The following PARD3B variants were observed in gnomAD, a reference collection of about 807,000 sequenced individuals.
PARD3B encodes the protein partitioning defective 3 homolog B.
Under a neutral mutation model 130.2 loss-of-function variants are expected in PARD3B, and 103 were observed. The ratio of observed to expected loss-of-function variants is 0.79; its 90% CI spans 0.67 to 0.93. The LOEUF (loss-of-function observed/expected upper bound fraction) is 0.93, where lower values mean the gene tolerates loss of function less well. PARD3B is among the 40% of genes least tolerant of loss of function. PARD3B has a pLI of 0.00. For synonymous variants in PARD3B, 583 were observed against 553.2 expected, an observed-to-expected ratio of 1.05 and a Z score of -0.76; for missense variants, 1,609 against 1,499.2, an observed-to-expected ratio of 1.07 and a Z score of -1.21.
At chr2:204,632,683 G>T (rs557454591) in intron 1 of PARD3B, among the ~76,000 whole-genome samples, 4 of 152,108 alleles carry the variant, frequency 2.6e-5, no homozygotes, top group African/African-American at 9.7e-5. Flanking sequence ...CTGTTCCTAC[G>T]GTTGCAGAGA....
At chr2:204,805,420 A>C (rs923098491) in intron 2 of PARD3B, among the ~76,000 whole-genome samples, 1 of 152,126 alleles carries the variant, frequency 6.6e-6, no homozygotes, top group Admixed American at 6.6e-5. Context: ...AGCCCTAATA[A>C]AACAAAATCT....
At chr2:205,210,942 C>T (rs2037597570) in intron 15 of PARD3B, among the ~76,000 whole-genome samples, 1 of 152,026 alleles carries the variant, frequency 6.6e-6, no homozygotes, top group South Asian at 2.1e-4. Context: ...AGCCCTTGCT[C>T]ACAGGGGAAA....
intron 10 of PARD3B, among the ~76,000 whole-genome samples, chr2:205,151,836 A>T (rs755026085): frequency 1.3e-5 from 2 of 152,298 alleles, no homozygotes; most frequent in Non-Finnish European, 2.9e-5. Flanking sequence ...CCATTAGTTG[A>T]TGCAGTTTCT....
chr2:205,167,893 G>A (rs113256227), intron 11 of PARD3B, among the ~76,000 whole-genome samples: 1,812 of 152,256 alleles, frequency 0.012, 25 homozygotes, highest in East Asian at 0.031. Context: ...GCAAATATAT[G>A]CAAAAGACAT....
At position 205,591,332 on chromosome 2, in the gene PARD3B, A is replaced by T. The variant is rs1575438019; in HGVS notation, c.3261-24124A>T. Reference sequence around the variant, plus strand: ...GGAGGAAGCAGATTTTTGGAGGAGAAATAAGCCTCTAAACATATTTGAATA... The same window carrying T: ...GGAGGAAGCAGATTTTTGGAGGAGATATAAGCCTCTAAACATATTTGAATA... On this transcript the variant is annotated intron_variant, in intron 22 of 22. Coordinates refer to ENST00000406610, the MANE Select transcript of PARD3B (RefSeq NM_001302769.2). This position sits in a 1 kb window ranked among gnomAD's most constrained non-coding sequence, Gnocchi z 4.2. Among the ~76,000 whole-genome samples the T allele has an allele frequency of 6.6e-6, 1 of 152,230 alleles. No individual in the cohort carries two copies. The highest frequency in any genetic ancestry group is 1.5e-5 in the Non-Finnish European group (1 of 68,038).
At chr2:205,581,434 T>A (rs1465946590) in intron 22 of PARD3B, among the ~76,000 whole-genome samples, 1 of 145,700 alleles carries the variant, frequency 6.9e-6, no homozygotes, top group Non-Finnish European at 1.5e-5. Context: ...TAAATATATA[T>A]AAATATATAT....
intron 1 of PARD3B, among the ~76,000 whole-genome samples, chr2:204,642,554 C>A (rs2035114338): frequency 6.6e-6 from 1 of 152,138 alleles, no homozygotes; most frequent in Non-Finnish European, 1.5e-5. Flanking sequence ...TGGCATAGGA[C>A]ATCCATATGA....
chr2:204,546,867 C>T (rs1296614873), intron 1 of PARD3B, among the ~76,000 whole-genome samples: 1 of 152,080 alleles, frequency 6.6e-6, no homozygotes, highest in Non-Finnish European at 1.5e-5. Context: ...TTTAAGTGTG[C>T]AATACATGTT....
intron 19 of PARD3B, among the ~76,000 whole-genome samples, chr2:205,429,492 C>T (rs897422915): frequency 4.6e-5 from 7 of 152,184 alleles, no homozygotes; most frequent in African/African-American, 1.7e-4. Context: ...CAAACATCAT[C>T]AGTGAAAGAA....
At chr2:204,975,261 G>C (rs1411786580) in intron 3 of PARD3B, among the ~76,000 whole-genome samples, 18 of 152,068 alleles carry the variant, frequency 1.2e-4, no homozygotes, top group Admixed American at 1.2e-3. Flanking sequence ...TTTAGTCTTT[G>C]ATTCGACAGT....
At chr2:204,597,204 C>T (rs1395399389) in intron 1 of PARD3B, among the ~76,000 whole-genome samples, 1 of 151,578 alleles carries the variant, frequency 6.6e-6, no homozygotes, top group African/African-American at 2.4e-5. Flanking sequence ...AATGCTTCCA[C>T]AAGTCATTTC....
chr2:205,461,359 G>A lies in PARD3B; in HGVS notation c.3044+20687G>A, dbSNP rs1281159372. 6.6e-6 allele frequency among the ~76,000 whole-genome samples: 1 copy of A among 152,178 alleles called. No homozygotes were observed. The highest frequency in any genetic ancestry group is 1.5e-5 in the Non-Finnish European group (1 of 68,024). Reference sequence around the variant, plus strand: ...GTCCTCTTACCAACACCAAGCAAGAGGATAAAGAGCAGAGGCTTAGTAAAT... The same window carrying A: ...GTCCTCTTACCAACACCAAGCAAGAAGATAAAGAGCAGAGGCTTAGTAAAT... On this transcript the variant is annotated intron_variant, in intron 20 of 22. Coordinates refer to ENST00000406610, the MANE Select transcript of PARD3B (RefSeq NM_001302769.2). This position sits in a 1 kb window ranked among gnomAD's most constrained non-coding sequence, Gnocchi z 4.3.
At chr2:204,654,464 G>A (rs1320249275) in intron 1 of PARD3B, among the ~76,000 whole-genome samples, 2 of 145,228 alleles carry the variant, frequency 1.4e-5, no homozygotes, top group Non-Finnish European at 2.9e-5. Context: ...GAAGAACTCT[G>A]CTGGGGAAGT....
intron 1 of PARD3B, among the ~76,000 whole-genome samples, chr2:204,634,168 A>T (rs142540722): frequency 1.3e-5 from 2 of 151,976 alleles, no homozygotes; most frequent in Non-Finnish European, 2.9e-5. Flanking sequence ...TCTAGTAACC[A>T]TCCTTCTATT....
chr2:205,132,008 C>T (rs1204942855), intron 10 of PARD3B, among the ~76,000 whole-genome samples: 1 of 152,164 alleles, frequency 6.6e-6, no homozygotes, highest in Non-Finnish European at 1.5e-5. Flanking sequence ...CTCCATTCCT[C>T]TTCTGTAACA....
chr2:204,970,837 A>G (rs1305387715), intron 3 of PARD3B, among the ~76,000 whole-genome samples: 1 of 152,188 alleles, frequency 6.6e-6, no homozygotes, highest in Non-Finnish European at 1.5e-5. Flanking sequence ...TATTAGCTTT[A>G]TTCTCCTCTT....
chr2:205,113,720 T>G (rs1438499372), intron 6 of PARD3B, 143 bp downstream of exon 6: 2 of 540,904 alleles, frequency 3.7e-6, no homozygotes, highest in Admixed American at 3.7e-5. Flanking sequence ...TGTTGGCCAC[T>G]TAAGTGTTGG....
intron 1 of PARD3B, among the ~76,000 whole-genome samples, chr2:204,600,038 T>G (rs961228117): frequency 1.3e-5 from 2 of 151,926 alleles, no homozygotes; most frequent in African/African-American, 4.8e-5. Context: ...ATTGGATTTT[T>G]TTTTGCTATT....
At chr2:204,937,787 T>C (rs1295538477) in intron 2 of PARD3B, among the ~76,000 whole-genome samples, 1 of 152,190 alleles carries the variant, frequency 6.6e-6, no homozygotes, top group East Asian at 1.9e-4. Context: ...CATGATACTC[T>C]AGGCAATTTT....
Sources: gnomAD v4.1 joint callset for allele counts (sites outside exome capture counted in the v4.1 genomes callset) on GRCh38, gnomAD v4.1.1 for gene constraint, Gnocchi (gnomAD v3.1) non-coding constraint, MANE v1.5 for transcripts, NCBI Gene and HGNC (gene_info 2026-07-23, HGNC 2026-07-21) for gene names.